The following LEF1 variants were observed in gnomAD, a reference collection of about 807,000 sequenced individuals.
The protein encoded by LEF1 is lymphoid enhancer binding factor 1.
In LEF1, 14 loss-of-function variants were observed where a neutral mutation model predicts 51.2. That is an observed-to-expected ratio of 0.27 (90% CI 0.18 to 0.43). The LOEUF (loss-of-function observed/expected upper bound fraction) is 0.43, where lower values mean the gene tolerates loss of function less well. LEF1 is among the 20% of genes least tolerant of loss of function. The pLI is 1.00. For synonymous variants in LEF1, 185 were observed against 183.2 expected, an observed-to-expected ratio of 1.01 and a Z score of -0.08; for missense variants, 386 against 512.0, an observed-to-expected ratio of 0.75 and a Z score of 2.37.
Position 108,163,662 on chromosome 4 carries a change from G to C in LEF1, c.320C>G (p.Ser107Cys), listed in dbSNP as rs774892174. 1.9e-6 allele frequency: 3 copies of C among 1,613,930 alleles called. No homozygotes were observed. Residue 107 changes from serine to cysteine, a missense_variant, in exon 3 of 12, where the codon TCC (serine) becomes TGC (cysteine). Coordinates refer to ENST00000265165, the MANE Select transcript of LEF1 (RefSeq NM_016269.5). ...PDGGLYNKGP[S>C]YSSYSGYIMM... is the part of the protein sequence containing the mutation. Reference sequence around the variant, plus strand: ...TATGTACCCGGAATAACTCGAGTAGGAGGGTCCCTTGTTGTAGAGGCCTCC... The same window carrying C: ...TATGTACCCGGAATAACTCGAGTAGCAGGGTCCCTTGTTGTAGAGGCCTCC...
At chr4:108,078,628 G>T (rs1196310858) in intron 7 of LEF1, among the ~76,000 whole-genome samples, 1 of 152,130 alleles carries the variant, frequency 6.6e-6, no homozygotes, top group East Asian at 1.9e-4. Context: ...CCTTTGGTTT[G>T]AGAAAGTGGA....
chr4:108,144,516 A>C (rs1743872882), intron 3 of LEF1, among the ~76,000 whole-genome samples: 1 of 152,226 alleles, frequency 6.6e-6, no homozygotes, highest in South Asian at 2.1e-4. Context: ...TGCTCATGAA[A>C]GACTGAGAAC....
intron 9 of LEF1, among the ~76,000 whole-genome samples, chr4:108,066,058 A>G (rs1305274739): frequency 6.6e-6 from 1 of 152,204 alleles, no homozygotes; most frequent in African/African-American, 2.4e-5. Context: ...GCATGCTACC[A>G]TGCCTGGCTA....
At chr4:108,076,882 C>T (rs1219947437) in intron 8 of LEF1, among the ~76,000 whole-genome samples, 1 of 151,806 alleles carries the variant, frequency 6.6e-6, no homozygotes, top group Non-Finnish European at 1.5e-5. Context: ...CAAAAATTAG[C>T]CAGGTGTGGT....
At chr4:108,085,904 G>C (rs1399412721) in intron 4 of LEF1, among the ~76,000 whole-genome samples, 1 of 152,178 alleles carries the variant, frequency 6.6e-6, no homozygotes, top group Admixed American at 6.5e-5. Flanking sequence ...ACTGCTTGGA[G>C]AAAAAGATCA....
chr4:108,165,654 C>T (rs1162686188), intron 1 of LEF1, among the ~76,000 whole-genome samples: 11 of 152,226 alleles, frequency 7.2e-5, no homozygotes, highest in Non-Finnish European at 1.0e-4. Context: ...CTTAAGGCAA[C>T]TGCCCTGAGC....
At chr4:108,072,638 G>C (rs1212437491) in intron 8 of LEF1, among the ~76,000 whole-genome samples, 2 of 152,160 alleles carry the variant, frequency 1.3e-5, no homozygotes, top group Non-Finnish European at 2.9e-5. Context: ...AAAAATTAGA[G>C]GGAGGTGCCA....
intron 9 of LEF1, among the ~76,000 whole-genome samples, chr4:108,067,770 T>A (rs1490343357): frequency 3.9e-5 from 6 of 151,996 alleles, no homozygotes; most frequent in Non-Finnish European, 7.4e-5. Context: ...CCTCAAGTTA[T>A]CTGCCTGCCT....
At chr4:108,065,726 TTTG>T (rs1225714085) in intron 9 of LEF1, among the ~76,000 whole-genome samples, 1 of 152,184 alleles carries the variant, frequency 6.6e-6, no homozygotes, top group Non-Finnish European at 1.5e-5. Context: ...AAAAAAATTA[TTTG>T]TTAATTTGAT....
chr4:108,067,654 C>T (rs761756184), intron 9 of LEF1, among the ~76,000 whole-genome samples: 2 of 151,846 alleles, frequency 1.3e-5, no homozygotes, highest in African/African-American at 2.4e-5. Flanking sequence ...CTCAGCCTCC[C>T]GAGTAGCTGG....
intron 9 of LEF1, among the ~76,000 whole-genome samples, chr4:108,067,030 C>T (rs1326412568): frequency 6.6e-6 from 1 of 152,238 alleles, no homozygotes; most frequent in Non-Finnish European, 1.5e-5. Flanking sequence ...TTAATTTTAC[C>T]TTTATTCTAT....
chr4:108,067,389 A>G (rs1427313944), intron 9 of LEF1, among the ~76,000 whole-genome samples: 1 of 152,232 alleles, frequency 6.6e-6, no homozygotes, highest in East Asian at 1.9e-4. Context: ...AGAATTAGAA[A>G]AACAAATTTA....
intron 3 of LEF1, among the ~76,000 whole-genome samples, chr4:108,124,737 G>A (rs1742414668): frequency 1.3e-5 from 2 of 152,218 alleles, no homozygotes; most frequent in Non-Finnish European, 2.9e-5. Flanking sequence ...ATTTTGGTCA[G>A]TTTGGGCCAC....
intron 3 of LEF1, among the ~76,000 whole-genome samples, chr4:108,105,734 C>T (rs1421725228): frequency 6.6e-6 from 1 of 152,144 alleles, no homozygotes; most frequent in East Asian, 1.9e-4. Context: ...ATGATCCCAT[C>T]TCTCCCAATT....
chr4:108,122,735 C>G (rs1270791846), intron 3 of LEF1, among the ~76,000 whole-genome samples: 6 of 152,210 alleles, frequency 3.9e-5, no homozygotes, highest in African/African-American at 1.4e-4. Flanking sequence ...ATCCTCCGAC[C>G]TTGGCCTCCT....
intron 1 of LEF1, among the ~76,000 whole-genome samples, chr4:108,166,992 T>TC: frequency 6.6e-6 from 1 of 151,516 alleles, no homozygotes; most frequent in African/African-American, 2.4e-5. Context: ...GCCGGCCTGC[T>TC]CCCCGCGGCC....
At chr4:108,077,046 A>G (rs1738910409) in intron 8 of LEF1, among the ~76,000 whole-genome samples, 1 of 142,244 alleles carries the variant, frequency 7.0e-6, no homozygotes, top group African/African-American at 2.6e-5. Flanking sequence ...AAAAAAAAAG[A>G]ATGATAACAG....
At position 108,165,109 on chromosome 4, in the gene LEF1, G is replaced by A; in HGVS notation, c.268C>T (p.His90Tyr). The A allele has an allele frequency of 6.2e-7, 1 of 1,614,096 alleles. No individual in the cohort carries two copies. ...ATGGGTGTCTTACCGTCATCGGGGTGTTCTCTGGCCTTGTCGTGGTAGGGC... is the reference window on the plus strand; with the variant it reads ...ATGGGTGTCTTACCGTCATCGGGGTATTCTCTGGCCTTGTCGTGGTAGGGC... Reference protein sequence around the residue: ...QEPYHDKAREHPDDGKHPDGG... With the variant: ...QEPYHDKAREYPDDGKHPDGG... The change falls in exon 2 of 12, where the codon CAC (histidine) becomes TAC (tyrosine). Residue 90 changes from histidine to tyrosine, a missense_variant. Around this residue, in one of 2 missense-constraint regions of LEF1, gnomAD observed 335 missense variants for 390.7 expected, o/e 0.86. Coordinates refer to ENST00000265165, the MANE Select transcript of LEF1 (RefSeq NM_016269.5).
At chr4:108,090,286 G>C (rs999204716) in intron 3 of LEF1, among the ~76,000 whole-genome samples, 6 of 151,852 alleles carry the variant, frequency 4.0e-5, no homozygotes, top group Admixed American at 3.9e-4. Flanking sequence ...CTGAAATACT[G>C]CTTTAATAAT....
Sources: gnomAD v4.1 joint callset for allele counts (sites outside exome capture counted in the v4.1 genomes callset) on GRCh38, gnomAD v4.1.1 for gene constraint, gnomAD v4.1.1 regional missense constraint, MANE v1.5 for transcripts, NCBI Gene and HGNC (gene_info 2026-07-23, HGNC 2026-07-21) for gene names.